The following ASTN2 variants were observed in gnomAD, a reference collection of about 807,000 sequenced individuals.
ASTN2 encodes the protein astrotactin 2.
ASTN2 carries 54 observed loss-of-function variants against 139.8 expected under a neutral mutation model. That is an observed-to-expected ratio of 0.39 (90% CI 0.31 to 0.48). ASTN2 has a LOEUF of 0.48. Among genes scored for constraint, ASTN2 ranks in the 20% least tolerant of loss-of-function variants. The pLI, the probability that ASTN2 is intolerant of heterozygous loss-of-function variation, is 0.95. For missense variants in ASTN2, 1,565 were observed against 1,725.1 expected (o/e 0.91, Z 1.64); for synonymous variants, 756 against 719.5 (o/e 1.05, Z -0.81).
intron 3 of ASTN2, among the ~76,000 whole-genome samples, chr9:117,146,556 G>C (rs912365929): frequency 2.6e-5 from 4 of 151,720 alleles, no homozygotes. Flanking sequence ...GGGGGTCTAA[G>C]ATGAGTGGGA....
intron 2 of ASTN2, among the ~76,000 whole-genome samples, chr9:117,248,723 A>T (rs1040524727): frequency 6.6e-6 from 1 of 152,240 alleles, no homozygotes; most frequent in African/African-American, 2.4e-5. Flanking sequence ...TTGATCAAAA[A>T]GCAGAAGGGT....
At chr9:116,592,279 T>C (rs1396606514) in intron 19 of ASTN2, among the ~76,000 whole-genome samples, 1 of 152,070 alleles carries the variant, frequency 6.6e-6, no homozygotes, top group East Asian at 1.9e-4. Flanking sequence ...CCATGAAGCG[T>C]GGCTGAGGAG....
At chr9:116,542,557 GA>G (rs966013517) in intron 19 of ASTN2, among the ~76,000 whole-genome samples, 1 of 152,144 alleles carries the variant, frequency 6.6e-6, no homozygotes, top group East Asian at 1.9e-4. Context: ...TATATTCTGG[GA>G]AAAAAATAGA....
At chr9:116,625,823 C>G (rs1856423282) in intron 17 of ASTN2, among the ~76,000 whole-genome samples, 1 of 152,114 alleles carries the variant, frequency 6.6e-6, no homozygotes, top group African/African-American at 2.4e-5. Context: ...CCTTACTGAA[C>G]TCTAGGAAGG....
chr9:116,709,060 C>G (rs1243939329), intron 16 of ASTN2, among the ~76,000 whole-genome samples: 2 of 152,214 alleles, frequency 1.3e-5, no homozygotes, highest in Admixed American at 6.5e-5. Context: ...ATATTGGACT[C>G]TCCTGGAAAC....
intron 1 of ASTN2, among the ~76,000 whole-genome samples, chr9:117,388,893 A>T (rs368622590): frequency 6.6e-6 from 1 of 152,200 alleles, no homozygotes; most frequent in African/African-American, 2.4e-5. Context: ...TATAAATATG[A>T]CATCAGTCAC....
At chr9:116,650,340 T>C (rs1179223324) in intron 17 of ASTN2, among the ~76,000 whole-genome samples, 1 of 152,104 alleles carries the variant, frequency 6.6e-6, no homozygotes, top group East Asian at 1.9e-4. Flanking sequence ...CAATAATTCA[T>C]ATGGTCCCCT....
chr9:117,180,466 T>C (rs1831030452), intron 3 of ASTN2, among the ~76,000 whole-genome samples: 1 of 152,148 alleles, frequency 6.6e-6, no homozygotes, highest in South Asian at 2.1e-4. Context: ...ATGTCTCCTC[T>C]TGAGGGAAGT....
chr9:116,425,509 A>G lies in ASTN2; in HGVS notation c.*342T>C. 1 of 1,515,944 alleles carries G rather than the reference A, an allele frequency of 6.6e-7. No individual in the cohort carries two copies. Among genetic ancestry groups the G allele is most frequent in the South Asian group, 1.2e-5 (1 of 86,830 alleles). 93.9% of individuals were successfully genotyped at this position (1,515,944 alleles called of 1,614,324 possible). ...AGGAAGAAAGCAGAGTGTGGCAGGA[A>G]GAAGGAAGAAGAGCAAAGGCCGCTT... On this transcript the variant is annotated 3_prime_UTR_variant, in exon 23 of 23. Transcript: ENST00000313400.
intron 11 of ASTN2, among the ~76,000 whole-genome samples, chr9:116,861,105 AC>A (rs2132336836): frequency 6.6e-6 from 1 of 152,186 alleles, no homozygotes; most frequent in East Asian, 1.9e-4. Flanking sequence ...ACTTCATCAG[AC>A]CGTTGAATCT....
At chr9:116,947,857 TG>T (rs1835441846) in intron 10 of ASTN2, among the ~76,000 whole-genome samples, 1 of 152,270 alleles carries the variant, frequency 6.6e-6, no homozygotes, top group South Asian at 2.1e-4. Context: ...CAAGTTTTGC[TG>T]AATGTCCTAA....
At chr9:117,160,457 C>G (rs960532922) in intron 3 of ASTN2, among the ~76,000 whole-genome samples, 2 of 87,950 alleles carry the variant, frequency 2.3e-5, no homozygotes, top group African/African-American at 9.0e-5. Context: ...GGACCCATCT[C>G]CCTAAAAAGG....
intron 11 of ASTN2, among the ~76,000 whole-genome samples, chr9:116,849,657 G>A (rs967986821): frequency 2.0e-5 from 3 of 152,178 alleles, no homozygotes; most frequent in African/African-American, 4.8e-5. Flanking sequence ...GCCTAGCAGT[G>A]AGTTACTTAT....
At chr9:117,392,429 C>G (rs1830564936) in intron 1 of ASTN2, among the ~76,000 whole-genome samples, 1 of 152,158 alleles carries the variant, frequency 6.6e-6, no homozygotes, top group Admixed American at 6.5e-5. Flanking sequence ...AGCTTATTTT[C>G]TTTTCTGTCA....
intron 6 of ASTN2, among the ~76,000 whole-genome samples, chr9:117,027,013 A>C (rs1400454970): frequency 1.3e-5 from 2 of 152,168 alleles, no homozygotes; most frequent in Non-Finnish European, 2.9e-5. Flanking sequence ...ACTCTTAACC[A>C]AATTAGACAT....
rs576969140 is a variant in ASTN2 at position 116,837,059 on chromosome 9, G to T, written c.2041-16276C>A. On this transcript the variant is annotated intron_variant, in intron 11 of 22. Coordinates refer to ENST00000313400, the MANE Select transcript of ASTN2 (RefSeq NM_001365068.1). ...TGCAACTGGAAGGCATAGGAGGGTT[G>T]TTGGCAGAGGAATAAAGTGATTTTG... Among the ~76,000 whole-genome samples the T allele has an allele frequency of 3.9e-5, 6 of 152,258 alleles. No individual in the cohort carries two copies. The South Asian group carries it at 1.2e-3, about 32-fold the overall frequency.
chr9:117,227,606 C>T (rs1832756187), intron 2 of ASTN2, among the ~76,000 whole-genome samples: 1 of 152,064 alleles, frequency 6.6e-6, no homozygotes, highest in Admixed American at 6.6e-5. Flanking sequence ...TAGCCTATAC[C>T]CGAGGACCGA....
intron 6 of ASTN2, among the ~76,000 whole-genome samples, chr9:117,030,442 G>A (rs764772948): frequency 1.3e-5 from 2 of 152,172 alleles, no homozygotes; most frequent in Non-Finnish European, 2.9e-5. Context: ...ACAGAAATTA[G>A]TCTCCAATTT....
At chr9:117,141,524 C>T in intron 3 of ASTN2, 46 bp from the exon 4 acceptor site, 1 of 1,338,162 alleles carries the variant, frequency 7.5e-7, no homozygotes, top group Non-Finnish European at 9.9e-7. Context: ...AGCCCACCCT[C>T]AGCACCTAGA....
Sources: gnomAD v4.1 joint callset for allele counts (sites outside exome capture counted in the v4.1 genomes callset) on GRCh38, gnomAD v4.1.1 for gene constraint, MANE v1.5 for transcripts, NCBI Gene and HGNC (gene_info 2026-07-23, HGNC 2026-07-21) for gene names.